NAALADL2: variants seen among roughly 807,000 people sequenced by gnomAD.
The protein encoded by NAALADL2 is N-acetylated alpha-linked acidic dipeptidase like 2, also known as inactive N-acetylated-alpha-linked acidic dipeptidase-like protein 2.
NAALADL2 carries 76 observed loss-of-function variants against 87.2 expected under a neutral mutation model. The ratio of observed to expected loss-of-function variants is 0.87; its 90% confidence interval spans 0.72 to 1.05. The LOEUF (loss-of-function observed/expected upper bound fraction) is 1.05, where lower values mean the gene tolerates loss of function less well. NAALADL2 is among the 50% of genes least tolerant of loss of function. The probability of loss-of-function intolerance (pLI) is 0.00; values close to 1 mark genes in which losing one functional copy is unlikely to be tolerated. For missense variants in NAALADL2, 1,089 were observed against 945.8 expected (o/e 1.15, Z -1.99); for synonymous variants, 354 against 331.0 (o/e 1.07, Z -0.75).
chr3:174,553,379 T>C (rs1451090029), intron 2 of NAALADL2, among the ~76,000 whole-genome samples: 1 of 152,172 alleles, frequency 6.6e-6, no homozygotes, highest in Non-Finnish European at 1.5e-5. Context: ...GAAGTGACCA[T>C]AGGTTTCTTA....
intron 1 of NAALADL2, among the ~76,000 whole-genome samples, chr3:174,963,524 G>A (rs116160937): frequency 1.4e-3 from 219 of 152,206 alleles, no homozygotes; most frequent in African/African-American, 5.0e-3. Context: ...TAGAAATACT[G>A]TGACTCTGCG....
intron 9 of NAALADL2, among the ~76,000 whole-genome samples, chr3:175,541,789 C>G (rs1429622741): frequency 6.6e-6 from 1 of 152,110 alleles, no homozygotes; most frequent in Non-Finnish European, 1.5e-5. Context: ...GTGGCATGAT[C>G]TCAGCTCACT....
intron 3 of NAALADL2, among the ~76,000 whole-genome samples, chr3:174,791,308 T>C (rs2109202744): frequency 6.6e-6 from 1 of 152,302 alleles, no homozygotes; most frequent in South Asian, 2.1e-4. Context: ...AAAAGTCATA[T>C]GTTGAAATCC....
chr3:175,130,759 G>A (rs1206027535), intron 2 of NAALADL2, among the ~76,000 whole-genome samples: 3 of 152,036 alleles, frequency 2.0e-5, no homozygotes, highest in African/African-American at 4.8e-5. Context: ...TGTTTCACTG[G>A]TATATATGTC....
chr3:175,081,437 T>C (rs1029013542), intron 1 of NAALADL2, among the ~76,000 whole-genome samples: 5 of 152,192 alleles, frequency 3.3e-5, no homozygotes, highest in African/African-American at 1.2e-4. Flanking sequence ...ATGTCTTTAA[T>C]ACCAGCTTCT....
chr3:175,012,458 G>T (rs547243552), intron 1 of NAALADL2, among the ~76,000 whole-genome samples: 13 of 152,120 alleles, frequency 8.5e-5, no homozygotes, highest in Non-Finnish European at 5.9e-5. Context: ...GTGAGCCACC[G>T]TGCCTGGCCC....
chr3:175,318,409 A>G (rs1419596737), intron 4 of NAALADL2, among the ~76,000 whole-genome samples: 2 of 152,078 alleles, frequency 1.3e-5, no homozygotes, highest in African/African-American at 4.8e-5. Context: ...CTCTGTGATG[A>G]TCATGAATTA....
intron 2 of NAALADL2, among the ~76,000 whole-genome samples, chr3:174,678,024 C>T (rs893215055): frequency 3.9e-5 from 6 of 152,096 alleles, no homozygotes; most frequent in Admixed American, 3.9e-4. Context: ...TTGAATTTTT[C>T]CTACTCTGCA....
chr3:175,294,301 T>G (rs952627958), intron 4 of NAALADL2, among the ~76,000 whole-genome samples: 1 of 152,224 alleles, frequency 6.6e-6, no homozygotes. Context: ...CTCTCAAGCT[T>G]GCCTGGCCAG....
At chr3:175,054,384 A>G (rs568993761) in intron 1 of NAALADL2, among the ~76,000 whole-genome samples, 1 of 152,154 alleles carries the variant, frequency 6.6e-6, no homozygotes, top group East Asian at 1.9e-4. Flanking sequence ...TTAAGGGCCA[A>G]TTTTTTGGAA....
At chr3:175,277,471 G>A (rs1753749138) in intron 4 of NAALADL2, among the ~76,000 whole-genome samples, 1 of 152,144 alleles carries the variant, frequency 6.6e-6, no homozygotes, top group Admixed American at 6.5e-5. Context: ...ATACGGGACA[G>A]TGAAGGACTG....
At chr3:175,052,529 C>T (rs1755550516) in intron 1 of NAALADL2, among the ~76,000 whole-genome samples, 1 of 152,166 alleles carries the variant, frequency 6.6e-6, no homozygotes, top group African/African-American at 2.4e-5. Flanking sequence ...ATTAAAATCA[C>T]AATCATCATT....
At chr3:174,866,810 G>GA (rs941195153) in intron 1 of NAALADL2, among the ~76,000 whole-genome samples, 51 of 151,304 alleles carry the variant, frequency 3.4e-4, no homozygotes, top group African/African-American at 1.1e-3. Flanking sequence ...TGGAGAAAAA[G>GA]AAAAAAATTA....
At chr3:175,217,441 T>A (rs1205881911) in intron 2 of NAALADL2, among the ~76,000 whole-genome samples, 1 of 152,214 alleles carries the variant, frequency 6.6e-6, no homozygotes, top group Non-Finnish European at 1.5e-5. Context: ...ATTTCACATG[T>A]ACCAAAAATT....
intron 1 of NAALADL2, among the ~76,000 whole-genome samples, chr3:174,961,642 A>C (rs1271415085): frequency 6.6e-6 from 1 of 152,066 alleles, no homozygotes; most frequent in Non-Finnish European, 1.5e-5. Context: ...TAGCATGCTC[A>C]AGTCTCATAA....
chr3:174,925,088 G>C (rs1305277335), intron 1 of NAALADL2, among the ~76,000 whole-genome samples: 1 of 152,060 alleles, frequency 6.6e-6, no homozygotes, highest in Non-Finnish European at 1.5e-5. Context: ...GATCCCATTT[G>C]TCAATTTTGG....
At chr3:174,754,509 C>G (rs891786993) in intron 3 of NAALADL2, among the ~76,000 whole-genome samples, 2 of 134,890 alleles carry the variant, frequency 1.5e-5, no homozygotes, top group Middle Eastern at 8.6e-3. Flanking sequence ...GTCTTACTCT[C>G]TTGCCCAGGC....
At chr3:174,713,310 T>C (rs1730861530) in intron 2 of NAALADL2, among the ~76,000 whole-genome samples, 1 of 152,170 alleles carries the variant, frequency 6.6e-6, no homozygotes, top group South Asian at 2.1e-4. Context: ...GTCCTTTGGG[T>C]ATATACCCAG....
At chr3:175,409,493 A>G (rs1434777796) in intron 5 of NAALADL2, among the ~76,000 whole-genome samples, 1 of 151,938 alleles carries the variant, frequency 6.6e-6, no homozygotes, top group African/African-American at 2.4e-5. Context: ...TTCTATATGT[A>G]TGTTAAATTT....
Sources: gnomAD v4.1 joint callset for allele counts (sites outside exome capture counted in the v4.1 genomes callset) on GRCh38, gnomAD v4.1.1 for gene constraint, MANE v1.5 for transcripts, NCBI Gene and HGNC (gene_info 2026-07-23, HGNC 2026-07-21) for gene names.